ZBTB20: variants seen among roughly 807,000 people sequenced by gnomAD.
ZBTB20 encodes zinc finger and BTB domain-containing protein 20.
A neutral mutation model predicts 56.9 loss-of-function variants in ZBTB20; 9 were observed. The observed-to-expected ratio is 0.16, with a 90% CI of 0.10 to 0.28. The LOEUF (loss-of-function observed/expected upper bound fraction) is 0.28. Among genes scored for constraint, ZBTB20 ranks in the 10% least tolerant of loss-of-function variants. The probability of loss-of-function intolerance (pLI) is 1.00; values close to 1 mark genes in which losing one functional copy is unlikely to be tolerated. For missense variants in ZBTB20, 655 were observed against 1,003.0 expected, an observed-to-expected ratio of 0.65 and a Z score of 4.69; for synonymous variants, 417 against 420.7, an observed-to-expected ratio of 0.99 and a Z score of 0.11.
chr3:115,083,620 C>A (rs2082875122), intron 1 of ZBTB20, among the ~76,000 whole-genome samples: 1 of 152,016 alleles, frequency 6.6e-6, no homozygotes, highest in Admixed American at 6.6e-5. Context: ...CCATTCAGCA[C>A]AATTCATGTT....
chr3:114,440,295 C>G (rs921741791), intron 7 of ZBTB20, among the ~76,000 whole-genome samples: 1 of 152,034 alleles, frequency 6.6e-6, no homozygotes, highest in African/African-American at 2.4e-5. Flanking sequence ...GACAAATACA[C>G]TATTACACAG....
intron 4 of ZBTB20, among the ~76,000 whole-genome samples, chr3:114,851,071 C>T (rs2074977744): frequency 6.6e-6 from 1 of 152,194 alleles, no homozygotes; most frequent in Admixed American, 6.5e-5. Context: ...CCCTTAAAGC[C>T]AGAAGAAATC....
At chr3:114,621,660 G>C (rs1578009783) in intron 6 of ZBTB20, among the ~76,000 whole-genome samples, 1 of 152,078 alleles carries the variant, frequency 6.6e-6, no homozygotes, top group Non-Finnish European at 1.5e-5. Flanking sequence ...ATAGCATATA[G>C]GAAGTACTTA....
At chr3:114,528,278 T>C (rs4682542) in intron 6 of ZBTB20, among the ~76,000 whole-genome samples, 12,203 of 152,186 alleles carry the variant, frequency 0.08, 655 homozygotes, top group Middle Eastern at 0.16. Context: ...ATTATAGCCA[T>C]GCAACTCAGT....
intron 9 of ZBTB20, 104 bp downstream of exon 9, chr3:114,380,673 T>C (rs1576484265): frequency 1.4e-6 from 2 of 1,416,646 alleles, no homozygotes; most frequent in East Asian, 2.5e-5. Flanking sequence ...CCCAGAACTT[T>C]AGACAGCTTG....
intron 3 of ZBTB20, among the ~76,000 whole-genome samples, chr3:114,931,712 T>C (rs1012541725): frequency 6.6e-6 from 1 of 152,080 alleles, no homozygotes; most frequent in Non-Finnish European, 1.5e-5. Flanking sequence ...GTGTTTTTTT[T>C]TTAGTTTGGT....
intron 7 of ZBTB20, among the ~76,000 whole-genome samples, chr3:114,447,885 C>T (rs576945775): frequency 1.3e-4 from 20 of 152,148 alleles, no homozygotes; most frequent in Non-Finnish European, 1.6e-4. Flanking sequence ...TTCTCGGATA[C>T]CCTGAGCCCC....
At chr3:114,424,770 T>A (rs2089500961) in intron 7 of ZBTB20, among the ~76,000 whole-genome samples, 1 of 152,122 alleles carries the variant, frequency 6.6e-6, no homozygotes, top group Non-Finnish European at 1.5e-5. Context: ...AAAGAAGCAA[T>A]TTAAAAATAT....
intron 6 of ZBTB20, among the ~76,000 whole-genome samples, chr3:114,609,379 A>G (rs1165039785): frequency 6.6e-6 from 1 of 152,234 alleles, no homozygotes; most frequent in Non-Finnish European, 1.5e-5. Context: ...TACTGTAGTT[A>G]TATTACAAAT....
intron 6 of ZBTB20, among the ~76,000 whole-genome samples, chr3:114,633,848 A>G (rs1300870138): frequency 6.6e-6 from 1 of 152,216 alleles, no homozygotes; most frequent in Non-Finnish European, 1.5e-5. Context: ...TAACAAAGGA[A>G]TAAATTTCTT....
intron 6 of ZBTB20, among the ~76,000 whole-genome samples, chr3:114,690,591 T>C (rs2062640931): frequency 1.3e-5 from 2 of 152,122 alleles, no homozygotes. Flanking sequence ...TCTAAATATT[T>C]TTAGAATAAA....
Position 114,322,524 on chromosome 3 carries a change from T to C in ZBTB20, c.*16481A>G, listed in dbSNP as rs2078930790. On this transcript the variant is annotated 3_prime_UTR_variant, in exon 12 of 12. Coordinates refer to ENST00000675478, the MANE Select transcript of ZBTB20 (RefSeq NM_001348800.3). ...GACAGAACTGGAGTGGATATGCAAA[T>C]TTCAAGGAAGAAGTTTTCCAAAGCC... The C allele has an allele frequency of 6.6e-6, 1 of 152,202 alleles. No homozygotes were observed. The highest frequency in any genetic ancestry group is 1.5e-5 in the Non-Finnish European group (1 of 68,048). 9.4% of individuals were successfully genotyped at this position (152,202 alleles called of 1,614,324 possible). A position where few individuals can be genotyped will look rare whatever the true frequency, so the allele number is the denominator to read the frequency against.
intron 5 of ZBTB20, among the ~76,000 whole-genome samples, chr3:114,703,425 T>G (rs2063515965): frequency 6.6e-6 from 1 of 152,154 alleles, no homozygotes; most frequent in South Asian, 2.1e-4. Context: ...TCTTTGAATG[T>G]TCCTACAACA....
intron 5 of ZBTB20, among the ~76,000 whole-genome samples, chr3:114,705,552 C>T (rs1277618760): frequency 6.6e-6 from 1 of 152,172 alleles, no homozygotes; most frequent in Admixed American, 6.6e-5. Context: ...AAGACCCACA[C>T]CCACTTCTTC....
At chr3:114,859,258 T>TCCTG (rs1449891047) in intron 4 of ZBTB20, among the ~76,000 whole-genome samples, 1 of 32,196 alleles carries the variant, frequency 3.1e-5, no homozygotes, top group African/African-American at 4.3e-5. Context: ...TTTCTTTTCC[T>TCCTG]CCTTCCTTCC....
chr3:114,777,221 A>G (rs566236371), intron 5 of ZBTB20, among the ~76,000 whole-genome samples: 1 of 152,322 alleles, frequency 6.6e-6, no homozygotes, highest in East Asian at 1.9e-4. Context: ...AAATAGATAT[A>G]TTAAAACAAT....
chr3:114,384,939 C>T (rs957300400), intron 8 of ZBTB20, among the ~76,000 whole-genome samples: 2 of 152,190 alleles, frequency 1.3e-5, no homozygotes, highest in Non-Finnish European at 2.9e-5. Context: ...GATGGCAATG[C>T]TTTCTGCAAC....
chr3:114,489,860 A>G (rs762021831), intron 7 of ZBTB20, among the ~76,000 whole-genome samples: 5 of 152,240 alleles, frequency 3.3e-5, no homozygotes, highest in Non-Finnish European at 7.3e-5. Flanking sequence ...ATGTGCCCAA[A>G]TAAAGATAAG....
chr3:115,055,531 T>C (rs970923705), intron 2 of ZBTB20, among the ~76,000 whole-genome samples: 1 of 152,106 alleles, frequency 6.6e-6, no homozygotes, highest in Admixed American at 6.6e-5. Context: ...TATATGACAA[T>C]AGATAGCAAA....
Sources: allele counts gnomAD v4.1 joint callset (sites outside exome capture counted in the v4.1 genomes callset), GRCh38; gene constraint gnomAD v4.1.1; transcripts MANE v1.5; gene names NCBI Gene and HGNC (gene_info 2026-07-23, HGNC 2026-07-21).